The following EPB41L4A variants were observed in gnomAD, a reference collection of about 807,000 sequenced individuals.
The protein encoded by EPB41L4A is band 4.1-like protein 4A.
A neutral mutation model predicts 108.6 loss-of-function variants in EPB41L4A; 100 were observed. The observed-to-expected ratio is 0.92, with a 90% CI of 0.78 to 1.09. The LOEUF (loss-of-function observed/expected upper bound fraction) is 1.09. EPB41L4A is among the 50% of genes least tolerant of loss of function. EPB41L4A has a pLI of 0.00. For synonymous variants in EPB41L4A, 319 were observed against 289.0 expected (o/e 1.10, Z -1.05); for missense variants, 1,030 against 842.7 (o/e 1.22, Z -2.75).
intron 19 of EPB41L4A, 33 bp downstream of exon 19, chr5:112,170,912 T>G (rs1479094537): frequency 1.3e-6 from 2 of 1,599,130 alleles, no homozygotes; most frequent in Non-Finnish European, 1.7e-6. Flanking sequence ...CTACATGGGT[T>G]TTAAAACAAT....
At chr5:112,270,800 G>A (rs1388320287) in intron 4 of EPB41L4A, among the ~76,000 whole-genome samples, 1 of 152,106 alleles carries the variant, frequency 6.6e-6, no homozygotes, top group Non-Finnish European at 1.5e-5. Flanking sequence ...ATTCTGGGTT[G>A]CAAAAAGAAG....
chr5:112,413,634 T>C (rs530969218), intron 1 of EPB41L4A, among the ~76,000 whole-genome samples: 13 of 152,246 alleles, frequency 8.5e-5, no homozygotes, highest in Admixed American at 6.5e-4. Flanking sequence ...GAGGCACAAA[T>C]AGGCACCTAC....
chr5:112,252,468 CA>C (rs1271295225), intron 9 of EPB41L4A, among the ~76,000 whole-genome samples: 1 of 151,842 alleles, frequency 6.6e-6, no homozygotes, highest in Non-Finnish European at 1.5e-5. Context: ...TATATTATAC[CA>C]AAAAAGGAAG....
At chr5:112,391,540 A>G (rs1760941880) in intron 1 of EPB41L4A, among the ~76,000 whole-genome samples, 1 of 152,194 alleles carries the variant, frequency 6.6e-6, no homozygotes, top group Non-Finnish European at 1.5e-5. Context: ...AAAAAAGAGT[A>G]AAAAGAAACG....
intron 22 of EPB41L4A, among the ~76,000 whole-genome samples, chr5:112,166,423 A>G (rs1430219164): frequency 6.6e-6 from 1 of 152,134 alleles, no homozygotes; most frequent in East Asian, 1.9e-4. Flanking sequence ...CCTCAAGCTC[A>G]CTGCATGTTG....
intron 3 of EPB41L4A, among the ~76,000 whole-genome samples, chr5:112,279,953 G>A (rs137956041): frequency 5.5e-5 from 8 of 145,152 alleles, no homozygotes; most frequent in African/African-American, 8.0e-5. Flanking sequence ...TACCACCCCC[G>A]TTAATGTCTA....
chr5:112,275,336 C>A lies in EPB41L4A; in HGVS notation c.325G>T (p.Glu109Ter), dbSNP rs1187447277. Residue 109 changes from glutamate (E) to a stop codon, truncating the protein, a stop_gained, in exon 4 of 23, where the codon GAA (glutamate) becomes TAA (stop). Coordinates refer to ENST00000261486, the MANE Select transcript of EPB41L4A (RefSeq NM_022140.5). LOFTEE classifies it high-confidence loss of function. ...AAGTCAATACTATACCTGGTTATTT[C>A]TTCTTTAAGTTTACATGGATCTTCA... Reference protein sequence around the residue: ...YAEDPCKLKEEITRYQFFLQV... With the variant: ...YAEDPCKLKE The A allele has an allele frequency of 2.6e-6, 4 of 1,552,044 alleles. No homozygotes were observed. The highest frequency in any genetic ancestry group is 3.5e-6 in the Non-Finnish European group (4 of 1,142,008).
At chr5:112,387,433 C>T (rs1167877974) in intron 1 of EPB41L4A, among the ~76,000 whole-genome samples, 12 of 152,204 alleles carry the variant, frequency 7.9e-5, no homozygotes, top group African/African-American at 1.7e-4. Context: ...GACACCATCC[C>T]GGCTAACACA....
At chr5:112,335,550 C>G (rs17134369) in intron 1 of EPB41L4A, among the ~76,000 whole-genome samples, 3 of 152,254 alleles carry the variant, frequency 2.0e-5, no homozygotes, top group South Asian at 2.1e-4. Flanking sequence ...TACCAAATTA[C>G]GCCAGTCAGA....
At chr5:112,371,012 G>C (rs762484956) in intron 1 of EPB41L4A, among the ~76,000 whole-genome samples, 1 of 152,204 alleles carries the variant, frequency 6.6e-6, no homozygotes, top group Non-Finnish European at 1.5e-5. Context: ...TCACTCATTC[G>C]TGCAATACCT....
At chr5:112,181,079 A>C (rs1761122265) in intron 18 of EPB41L4A, among the ~76,000 whole-genome samples, 3 of 152,162 alleles carry the variant, frequency 2.0e-5, no homozygotes, top group African/African-American at 7.2e-5. Flanking sequence ...CTGGGGCAGA[A>C]CAAGACCCTC....
intron 11 of EPB41L4A, among the ~76,000 whole-genome samples, chr5:112,236,560 T>C (rs1018899374): frequency 7.9e-5 from 12 of 152,226 alleles, no homozygotes; most frequent in African/African-American, 2.9e-4. Context: ...TTGACAAGTA[T>C]GGAGATTTAC....
intron 12 of EPB41L4A, among the ~76,000 whole-genome samples, chr5:112,211,082 A>G (rs1338680220): frequency 6.6e-6 from 1 of 152,232 alleles, no homozygotes; most frequent in Non-Finnish European, 1.5e-5. Flanking sequence ...TATGAAGTAG[A>G]TATCAATGTT....
At chr5:112,333,347 T>C (rs924141426) in intron 1 of EPB41L4A, among the ~76,000 whole-genome samples, 4 of 152,144 alleles carry the variant, frequency 2.6e-5, no homozygotes, top group African/African-American at 4.8e-5. Flanking sequence ...GCATGTCAAC[T>C]GCATGCTGAC....
intron 1 of EPB41L4A, among the ~76,000 whole-genome samples, chr5:112,326,631 T>C (rs1165769236): frequency 6.6e-6 from 1 of 152,210 alleles, no homozygotes; most frequent in Non-Finnish European, 1.5e-5. Context: ...CATTTACCAT[T>C]GCTTACTTCG....
Position 112,379,752 on chromosome 5 carries a change from C to G in EPB41L4A, c.99+39189G>C, listed in dbSNP as rs539338782. On this transcript the variant is annotated intron_variant, in intron 1 of 22. Coordinates refer to ENST00000261486, the MANE Select transcript of EPB41L4A (RefSeq NM_022140.5). ...CTCAGACTTTGATCTAAGGCTTACC[C>G]GAAGGCACAATACATTCCCTAGCAG... Among the ~76,000 whole-genome samples the G allele has an allele frequency of 2.0e-4, 30 of 152,262 alleles. No homozygotes were observed. The East Asian group carries it at 5.8e-3, about 29-fold the overall frequency.
intron 9 of EPB41L4A, 101 bp downstream of exon 9, chr5:112,259,128 G>T: frequency 1.1e-6 from 1 of 888,114 alleles, no homozygotes; most frequent in Non-Finnish European, 1.8e-6. Context: ...GTTCCATGTG[G>T]AAGCAGCTGA....
rs74432485 is a variant in EPB41L4A at position 112,241,141 on chromosome 5, A to C, written c.796-331T>G. On this transcript the variant is annotated intron_variant, in intron 9 of 22. Transcript: ENST00000261486. ...CACTAATACAGGAAAAGCACGGACC[A>C]TGTGAAAATCAACTCCCAGTAAAAA... is the stretch of plus-strand genomic sequence containing the variant. 0.015 allele frequency among the ~76,000 whole-genome samples: 2,230 copies of C among 152,232 alleles called. 230 individuals are homozygous for C. The East Asian group carries it at 0.27, about 19-fold the overall frequency.
intron 1 of EPB41L4A, among the ~76,000 whole-genome samples, chr5:112,385,507 C>CAAAA (rs201988960): frequency 1.3e-5 from 1 of 75,550 alleles, no homozygotes; most frequent in African/African-American, 3.7e-5. Flanking sequence ...TGGTTATTTT[C>CAAAA]AAAAAAAAAA....
Sources: allele counts gnomAD v4.1 joint callset (sites outside exome capture counted in the v4.1 genomes callset), GRCh38; gene constraint gnomAD v4.1.1; transcripts MANE v1.5; gene names NCBI Gene and HGNC (gene_info 2026-07-23, HGNC 2026-07-21).